The following CPNE8 variants were observed in gnomAD, a reference collection of about 807,000 sequenced individuals.
The protein encoded by CPNE8 is copine-8.
In CPNE8, 45 loss-of-function variants were observed where a neutral mutation model predicts 81.5. The observed-to-expected ratio is 0.55, with a 90% CI of 0.44 to 0.71. The LOEUF (loss-of-function observed/expected upper bound fraction) is 0.71. CPNE8 is among the 30% of genes least tolerant of loss of function. CPNE8 has a pLI of 0.00. For synonymous variants in CPNE8, 252 were observed against 226.3 expected, an observed-to-expected ratio of 1.11 and a Z score of -1.02; for missense variants, 594 against 672.1, an observed-to-expected ratio of 0.88 and a Z score of 1.28.
Position 38,767,658 on chromosome 12 carries a change from A to C in CPNE8, c.552T>G (p.Phe184Leu). 1 of 1,564,422 alleles carries C rather than the reference A, an allele frequency of 6.4e-7. No homozygotes were observed. The highest frequency in any genetic ancestry group is 1.3e-5 in the South Asian group (1 of 79,838). The change falls in exon 8 of 20, where the codon TTT becomes TTG. Residue 184 changes from phenylalanine to leucine, a missense_variant. By Grantham distance (22) the Phe-to-Leu change is conservative (BLOSUM62 0). Coordinates refer to ENST00000331366, the MANE Select transcript of CPNE8 (RefSeq NM_153634.3). ...ACCTGCCATCTTCATTACTTCGATA[A>C]AATACAAGGAAAGGATCTGATTTTC... ...FFGKSDPFLV[F>L]YRSNEDGSFT...
intron 6 of CPNE8, among the ~76,000 whole-genome samples, chr12:38,806,583 G>A (rs545313939): frequency 6.7e-6 from 1 of 149,110 alleles, no homozygotes; most frequent in African/African-American, 2.4e-5. Flanking sequence ...CAATAAATTA[G>A]GTACTGATGG....
chr12:38,712,455 C>T (rs1291430372), intron 13 of CPNE8, among the ~76,000 whole-genome samples: 1 of 152,114 alleles, frequency 6.6e-6, no homozygotes, highest in Non-Finnish European at 1.5e-5. Context: ...TCAAAAGATC[C>T]ACCTGCCTCA....
At position 38,717,455 on chromosome 12, in the gene CPNE8, A is replaced by G. The variant is rs1181457129; in HGVS notation, c.914+6317T>C. ...TATATATATATATATATATATATAT[A>G]TATACACCATGGAATACTACTCAGT... On this transcript the variant is annotated intron_variant, in intron 13 of 19. Coordinates refer to ENST00000331366, the MANE Select transcript of CPNE8 (RefSeq NM_153634.3). Among the ~76,000 whole-genome samples, 8 of 140,114 alleles carry G rather than the reference A, an allele frequency of 5.7e-5. 1 individual carries two copies. The highest frequency in any genetic ancestry group is 9.3e-5 in the Non-Finnish European group (6 of 64,600). 91.9% of individuals were successfully genotyped at this position (140,114 alleles called of 152,430 possible).
chr12:38,896,937 GT>G lies in CPNE8; in HGVS notation c.98+8499del, dbSNP rs763990803. Among the ~76,000 whole-genome samples, 85 of 152,086 alleles carry G rather than the reference GT, an allele frequency of 5.6e-4. 1 individual carries two copies. The highest frequency in any genetic ancestry group is 1.2e-4 in the Non-Finnish European group (8 of 67,992). ...GAACCTGGGATAAGACTAATAGCCAGTTAGTGCTTTTCTTGTGACAGGCTGG... is the reference window on the plus strand; with the variant it reads ...GAACCTGGGATAAGACTAATAGCCAGTAGTGCTTTTCTTGTGACAGGCTGG... On this transcript the variant is annotated intron_variant, in intron 1 of 19. Coordinates refer to ENST00000331366, the MANE Select transcript of CPNE8 (RefSeq NM_153634.3).
intron 7 of CPNE8, among the ~76,000 whole-genome samples, chr12:38,770,714 C>T (rs1019804050): frequency 2.6e-5 from 4 of 152,118 alleles, no homozygotes; most frequent in African/African-American, 7.2e-5. Flanking sequence ...CATCTCACAT[C>T]GGACCCACAC....
intron 6 of CPNE8, among the ~76,000 whole-genome samples, chr12:38,798,628 A>C (rs1363293556): frequency 6.6e-6 from 1 of 152,126 alleles, no homozygotes; most frequent in African/African-American, 2.4e-5. Context: ...GACTAGGAAG[A>C]AACTGCATCA....
rs60538878 is a variant in CPNE8 at position 38,894,658 on chromosome 12, A to ACT, written c.98+10777_98+10778dup. ...CACGTGCTTGCTCTCACTCCAGCTCACTCTCTCTCTCTCTCTCTCTCTCTC... is the reference window on the plus strand; with the variant it reads ...CACGTGCTTGCTCTCACTCCAGCTCACTCTCTCTCTCTCTCTCTCTCTCTCTC... On this transcript the variant is annotated intron_variant, in intron 1 of 19. Transcript: ENST00000331366. 6.5e-3 allele frequency among the ~76,000 whole-genome samples: 810 copies of ACT among 124,342 alleles called. 8 individuals carry two copies. Among genetic ancestry groups the ACT allele is most frequent in the South Asian group, 0.02 (69 of 3,522 alleles). The allele number at this position is 124,342 out of a possible 152,430, so 81.6% of individuals were successfully genotyped here. A position where few individuals can be genotyped will look rare whatever the true frequency, so the allele number is the denominator to read the frequency against.
chr12:38,739,431 A>T (rs554948520), intron 10 of CPNE8, among the ~76,000 whole-genome samples: 1 of 152,292 alleles, frequency 6.6e-6, no homozygotes, highest in South Asian at 2.1e-4. Flanking sequence ...TGCTGCTTAG[A>T]TGGTATAATA....
chr12:38,833,642 C>A (rs1343778954), intron 5 of CPNE8, among the ~76,000 whole-genome samples: 1 of 151,722 alleles, frequency 6.6e-6, no homozygotes, highest in Non-Finnish European at 1.5e-5. Context: ...CCACGCCCAG[C>A]TAATTTTTTG....
intron 15 of CPNE8, among the ~76,000 whole-genome samples, chr12:38,687,602 G>A (rs1939562163): frequency 6.6e-6 from 1 of 151,712 alleles, no homozygotes; most frequent in African/African-American, 2.4e-5. Context: ...GGCTGGTCTC[G>A]AACTCCTGAC....
At chr12:38,893,661 C>G (rs1275174314) in intron 1 of CPNE8, among the ~76,000 whole-genome samples, 3 of 152,170 alleles carry the variant, frequency 2.0e-5, no homozygotes, top group Non-Finnish European at 2.9e-5. Context: ...TTCTTTCTTT[C>G]ACGAGATCCA....
intron 2 of CPNE8, 36 bp from the exon 3 acceptor site, chr12:38,873,086 C>A (rs1285571944): frequency 2.3e-6 from 3 of 1,307,520 alleles, no homozygotes; most frequent in East Asian, 4.8e-5. Context: ...ATATAAATGT[C>A]TTTTATGAAA....
At chr12:38,657,235 T>C (rs1938841762) in intron 19 of CPNE8, among the ~76,000 whole-genome samples, 2 of 152,142 alleles carry the variant, frequency 1.3e-5, no homozygotes, top group African/African-American at 4.8e-5. Flanking sequence ...CTCCTGTGCC[T>C]GGTTTGGTGG....
At chr12:38,796,315 G>C (rs1241102611) in intron 6 of CPNE8, among the ~76,000 whole-genome samples, 1 of 151,746 alleles carries the variant, frequency 6.6e-6, no homozygotes, top group East Asian at 1.9e-4. Flanking sequence ...AAAAAATCTT[G>C]AACTCAAAAG....
At chr12:38,772,917 T>C (rs1029351354) in intron 7 of CPNE8, among the ~76,000 whole-genome samples, 6 of 131,766 alleles carry the variant, frequency 4.6e-5, no homozygotes, top group Admixed American at 4.0e-4. Flanking sequence ...TTTATATATA[T>C]ATAAAATTTA....
chr12:38,720,123 C>A (rs554913512), intron 13 of CPNE8, among the ~76,000 whole-genome samples: 33 of 152,284 alleles, frequency 2.2e-4, no homozygotes, highest in Middle Eastern at 3.4e-3. Flanking sequence ...AGGATTGGGG[C>A]AAACTGTACC....
intron 19 of CPNE8, among the ~76,000 whole-genome samples, chr12:38,667,988 G>A (rs1376394944): frequency 6.6e-6 from 1 of 152,046 alleles, no homozygotes; most frequent in Non-Finnish European, 1.5e-5. Context: ...TAGTAGAGAC[G>A]GGGTTTCACC....
chr12:38,885,583 A>C lies in CPNE8; in HGVS notation c.99-11072T>G, dbSNP rs566880456. ...TGACCCTGTGAGAAGAACGAAAACA[A>C]GGGCAGAAATATCCAAACTGCTTTT... On this transcript the variant is annotated intron_variant, in intron 1 of 19. Transcript: ENST00000331366. Among the ~76,000 whole-genome samples, 7 of 152,314 alleles carry C rather than the reference A, an allele frequency of 4.6e-5. No individual in the cohort carries two copies. In the East Asian group the frequency reaches 7.7e-4, roughly 17 times the overall value.
chr12:38,749,380 C>A (rs1465513802), intron 10 of CPNE8, among the ~76,000 whole-genome samples: 2 of 150,756 alleles, frequency 1.3e-5, no homozygotes, highest in Non-Finnish European at 2.9e-5. Flanking sequence ...TAAATTGGTA[C>A]CAGTAGAGTG....
Sources: allele counts gnomAD v4.1 joint callset (sites outside exome capture counted in the v4.1 genomes callset), GRCh38; gene constraint gnomAD v4.1.1; transcripts MANE v1.5; gene names NCBI Gene and HGNC (gene_info 2026-07-23, HGNC 2026-07-21).